The following SHC3 variants were observed in gnomAD, a reference collection of about 807,000 sequenced individuals.
SHC3 encodes the protein SHC-transforming protein 3.
SHC3 carries 15 observed loss-of-function variants against 60.4 expected under a neutral mutation model. The observed-to-expected ratio is 0.25, with a 90% CI of 0.17 to 0.38. The LOEUF (loss-of-function observed/expected upper bound fraction) is 0.38, where lower values mean the gene tolerates loss of function less well. SHC3 is among the 10% of genes least tolerant of loss of function. The pLI is 1.00. For missense variants in SHC3, 677 were observed against 786.1 expected (o/e 0.86, Z 1.66); for synonymous variants, 294 against 325.9 (o/e 0.90, Z 1.05).
intron 2 of SHC3, among the ~76,000 whole-genome samples, chr9:89,105,628 T>C (rs1825848127): frequency 6.6e-6 from 1 of 152,212 alleles, no homozygotes; most frequent in Non-Finnish European, 1.5e-5. Context: ...TGACTAGACA[T>C]GGTATGTGTT....
chr9:89,040,750 G>T (rs191833491), intron 10 of SHC3, among the ~76,000 whole-genome samples: 5 of 152,322 alleles, frequency 3.3e-5, no homozygotes, highest in Admixed American at 3.3e-4. Flanking sequence ...AGGTGATCTA[G>T]CATTGAAGGT....
Position 89,038,096 on chromosome 9 carries a change from T to G in SHC3, c.1553A>C (p.Asp518Ala). Residue 518 changes from aspartate (D) to alanine (A), a missense_variant, in exon 11 of 12, where the codon GAC becomes GCC. Asp to Ala is a moderately radical substitution (Grantham distance 126). Coordinates refer to ENST00000375835, the MANE Select transcript of SHC3 (RefSeq NM_016848.6). ...GGTGGTGCTCTTCCTGACCAGGAAGTCTCCGTCTTTCTCCAGCAGCCCCTC... is the reference window on the plus strand; with the variant it reads ...GGTGGTGCTCTTCCTGACCAGGAAGGCTCCGTCTTTCTCCAGCAGCCCCTC... Reference protein sequence around the residue: ...EAEGLLEKDGDFLVRKSTTNP... With the variant: ...EAEGLLEKDGAFLVRKSTTNP... The G allele has an allele frequency of 6.2e-7, 1 of 1,614,066 alleles. No homozygotes were observed. Among genetic ancestry groups the G allele is most frequent in the Non-Finnish European group, 8.5e-7 (1 of 1,180,024 alleles).
Position 89,010,013 on chromosome 9 carries a change from C to G in SHC3, c.*3434G>C. 6.6e-6 allele frequency: 1 copy of G among 152,236 alleles called. No individual in the cohort carries two copies. The highest frequency in any genetic ancestry group is 1.9e-4 in the East Asian group (1 of 5,190). The allele number at this position is 152,236 out of a possible 1,614,324, so 9.4% of individuals were successfully genotyped here. ...TCCACCCTTCCCTAGGCCTGTCCTT[C>G]CTTTTAAGTTAGGACTTTACCTACA... On this transcript the variant is annotated 3_prime_UTR_variant, in exon 12 of 12. Transcript: ENST00000375835.
chr9:89,094,141 C>T (rs1248985906), intron 2 of SHC3, among the ~76,000 whole-genome samples: 1 of 151,300 alleles, frequency 6.6e-6, no homozygotes. Flanking sequence ...GATTTGTGCA[C>T]TCTATGAGAC....
At chr9:89,018,573 C>T (rs113118456) in intron 11 of SHC3, among the ~76,000 whole-genome samples, 69 of 152,006 alleles carry the variant, frequency 4.5e-4, no homozygotes, top group African/African-American at 1.3e-3. Flanking sequence ...CACCATGGCA[C>T]GTGTATGCCT....
intron 1 of SHC3, among the ~76,000 whole-genome samples, chr9:89,149,900 G>T (rs1429576532): frequency 1.3e-5 from 2 of 152,174 alleles, no homozygotes; most frequent in Non-Finnish European, 2.9e-5. Flanking sequence ...CACCCGCAGT[G>T]TGAATCATCC....
rs564926158 is a variant in SHC3, at chr9:89,103,353, C to T, written c.545+9203G>A. Among the ~76,000 whole-genome samples the T allele has an allele frequency of 1.1e-3, 166 of 152,204 alleles. 1 individual carries two copies. Among genetic ancestry groups the T allele is most frequent in the African/African-American group, 3.8e-3 (158 of 41,544 alleles). On this transcript the variant is annotated intron_variant, in intron 2 of 11. Coordinates refer to ENST00000375835, the MANE Select transcript of SHC3 (RefSeq NM_016848.6). ...CCAAGCTTTTGAGTTTGGGAGACCA[C>T]GTGGATTGCAGTTACAAGAAGAATT...
rs576013142 is a variant in SHC3 at position 89,130,957 on chromosome 9, AT to A, written c.475-18332del. Among the ~76,000 whole-genome samples, 35 of 152,298 alleles carry A rather than the reference AT, an allele frequency of 2.3e-4. 1 individual carries two copies. The South Asian group carries it at 4.1e-3, about 18-fold the overall frequency. ...ACATAAAAAACCCTTCAAAAAATCA[AT>A]GAATCCAGGAGCTGGTTTTTTGAAA... is the stretch of plus-strand genomic sequence containing the variant. On this transcript the variant is annotated intron_variant, in intron 1 of 11. Transcript: ENST00000375835.
intron 1 of SHC3, among the ~76,000 whole-genome samples, chr9:89,135,190 G>A (rs902218509): frequency 3.9e-5 from 6 of 152,044 alleles, no homozygotes; most frequent in African/African-American, 7.2e-5. Flanking sequence ...TTTCCTCTAC[G>A]AAATCAAACT....
intron 1 of SHC3, among the ~76,000 whole-genome samples, chr9:89,159,863 G>A (rs921215784): frequency 6.6e-6 from 1 of 152,162 alleles, no homozygotes; most frequent in Non-Finnish European, 1.5e-5. Flanking sequence ...GCCTTTCCCA[G>A]CCCACTGACT....
intron 2 of SHC3, among the ~76,000 whole-genome samples, chr9:89,082,045 T>C (rs1825453144): frequency 6.6e-6 from 1 of 151,584 alleles, no homozygotes; most frequent in South Asian, 2.1e-4. Context: ...TTGGTGCTCC[T>C]GGATGTCCTC....
At chr9:89,173,618 C>A (rs1826900997) in intron 1 of SHC3, among the ~76,000 whole-genome samples, 2 of 152,090 alleles carry the variant, frequency 1.3e-5, no homozygotes, top group South Asian at 4.1e-4. Flanking sequence ...AAAGTCATCA[C>A]AAGTCATCTA....
At chr9:89,131,003 A>G (rs1265813606) in intron 1 of SHC3, among the ~76,000 whole-genome samples, 2 of 152,210 alleles carry the variant, frequency 1.3e-5, no homozygotes, top group Non-Finnish European at 2.9e-5. Flanking sequence ...AAATTGATAG[A>G]CCACTAGCAA....
intron 1 of SHC3, among the ~76,000 whole-genome samples, chr9:89,128,774 T>C (rs1307662779): frequency 6.6e-6 from 1 of 151,954 alleles, no homozygotes; most frequent in Non-Finnish European, 1.5e-5. Flanking sequence ...AGGCCAAAGG[T>C]AGATAAAACT....
chr9:89,127,715 C>A (rs776708367), intron 1 of SHC3, among the ~76,000 whole-genome samples: 1 of 151,764 alleles, frequency 6.6e-6, no homozygotes, highest in African/African-American at 2.4e-5. Flanking sequence ...CTTGCCTCTT[C>A]GCATGTTTGT....
intron 1 of SHC3, among the ~76,000 whole-genome samples, chr9:89,153,128 T>C (rs1225879341): frequency 1.3e-5 from 2 of 152,240 alleles, no homozygotes; most frequent in African/African-American, 4.8e-5. Context: ...ATGTATGTTG[T>C]GCTCAGTAAA....
Position 89,178,450 on chromosome 9 carries a change from C to A in SHC3, c.11G>T (p.Arg4Leu). 1 of 1,451,240 alleles carries A rather than the reference C, an allele frequency of 6.9e-7. No individual in the cohort carries two copies. The highest frequency in any genetic ancestry group is 9.2e-7 in the Non-Finnish European group (1 of 1,092,306). 89.9% of individuals were successfully genotyped at this position (1,451,240 alleles called of 1,614,324 possible). A position where few individuals can be genotyped will look rare whatever the true frequency, so the allele number is the denominator to read the frequency against. The change falls in exon 1 of 12, where the codon CGC becomes CTC. Residue 4 changes from arginine (R) to leucine (L), a missense_variant. By Grantham distance (102) the Arg-to-Leu change is moderately radical (BLOSUM62 -2). Coordinates refer to ENST00000375835, the MANE Select transcript of SHC3 (RefSeq NM_016848.6). This position sits in a 1 kb window ranked among gnomAD's most constrained non-coding sequence, Gnocchi z 6.9. The stretch of plus-strand genomic sequence containing the variant: ...ATTCCTGAAGCGGTTATACTTGGTG[C>A]GTGGAAGCATGCCCCTCCGTGGGCT... MLP[R>L]TKYNRFRNDS...
In SHC3 at chr9:89,008,881, C is replaced by T. The variant is rs998387523; in HGVS notation, c.*4566G>A. ...GTCAGCTTCCTTCTCTCCCTACTTC[C>T]GGGATCTTCACTCAAATAAACTACA... On this transcript the variant is annotated 3_prime_UTR_variant, in exon 12 of 12. Coordinates refer to ENST00000375835, the MANE Select transcript of SHC3 (RefSeq NM_016848.6). The T allele has an allele frequency of 6.6e-5, 10 of 152,210 alleles. No individual in the cohort carries two copies. The highest frequency in any genetic ancestry group is 2.6e-4 in the Admixed American group (4 of 15,270). 9.4% of individuals were successfully genotyped at this position (152,210 alleles called of 1,614,324 possible). A position where few individuals can be genotyped will look rare whatever the true frequency, so the allele number is the denominator to read the frequency against.
intron 7 of SHC3, 109 bp from the exon 8 acceptor site, chr9:89,047,103 C>T: frequency 8.8e-7 from 1 of 1,138,832 alleles, no homozygotes. Flanking sequence ...TTAGTCAGTG[C>T]CTCCTCAGCC....
Sources: allele counts gnomAD v4.1 joint callset (sites outside exome capture counted in the v4.1 genomes callset), GRCh38; gene constraint gnomAD v4.1.1; non-coding constraint Gnocchi (gnomAD v3.1); transcripts MANE v1.5; gene names NCBI Gene and HGNC (gene_info 2026-07-23, HGNC 2026-07-21).